The following PRKN variants were observed in gnomAD, a reference collection of about 807,000 sequenced individuals.
The protein encoded by PRKN is parkin RBR E3 ubiquitin protein ligase.
Under a neutral mutation model 59.5 loss-of-function variants are expected in PRKN, and 56 were observed. That is an observed-to-expected ratio of 0.94 (90% CI 0.76 to 1.18). PRKN has a LOEUF of 1.18. Ranked by LOEUF, PRKN falls within the 50% of genes most tolerant of loss-of-function variation. The pLI is 0.00. For synonymous variants in PRKN, 250 were observed against 222.1 expected (o/e 1.13, Z -1.12); for missense variants, 657 against 596.4 (o/e 1.10, Z -1.06).
intron 1 of PRKN, among the ~76,000 whole-genome samples, chr6:162,516,778 G>GA (rs1777881351): frequency 7.0e-6 from 1 of 142,434 alleles, no homozygotes; most frequent in South Asian, 2.3e-4. Context: ...AAAAAAAAAA[G>GA]AAAGAAAAGA....
At chr6:162,384,431 A>G (rs1388590665) in intron 2 of PRKN, among the ~76,000 whole-genome samples, 3 of 152,164 alleles carry the variant, frequency 2.0e-5, no homozygotes, top group African/African-American at 4.8e-5. Flanking sequence ...GAAGACACAC[A>G]TTAAGTTTGC....
chr6:162,301,778 CGG>C lies in PRKN; in HGVS notation c.172-39015_172-39014del, dbSNP rs71544928. ...GTTAAACTTCAGCAAATAAATTGGC[CGG>C]GGCGGGGGGGGGGTGCAGAATTCAC... On this transcript the variant is annotated intron_variant, in intron 2 of 11. Transcript: ENST00000366898. Among the ~76,000 whole-genome samples, 14 of 62,912 alleles carry C rather than the reference CGG, an allele frequency of 2.2e-4. No homozygotes were observed. The East Asian group carries it at 3.8e-3, about 17-fold the overall frequency. 41.3% of individuals were successfully genotyped at this position (62,912 alleles called of 152,430 possible).
chr6:162,151,536 T>C (rs1469067265), intron 4 of PRKN, among the ~76,000 whole-genome samples: 3 of 152,202 alleles, frequency 2.0e-5, no homozygotes, highest in Non-Finnish European at 4.4e-5. Flanking sequence ...AAATCTCTCA[T>C]GAGGAAACTG....
chr6:161,805,722 C>A (rs1791290670), intron 6 of PRKN, among the ~76,000 whole-genome samples: 1 of 152,162 alleles, frequency 6.6e-6, no homozygotes, highest in Admixed American at 6.5e-5. Flanking sequence ...GGAGAATTAT[C>A]ATTTGATGTG....
chr6:162,712,873 A>AC (rs1328961712), intron 1 of PRKN, among the ~76,000 whole-genome samples: 2 of 152,218 alleles, frequency 1.3e-5, no homozygotes, highest in Admixed American at 1.3e-4. Flanking sequence ...TCCAGGCCTA[A>AC]CAAACTTATG....
In PRKN at chr6:161,417,802, G is replaced by C. The variant is rs921736883; in HGVS notation, c.1084-30925C>G. 1.3e-5 allele frequency among the ~76,000 whole-genome samples: 2 copies of C among 152,204 alleles called. No homozygotes were observed. The highest frequency in any genetic ancestry group is 4.8e-5 in the African/African-American group (2 of 41,446). On this transcript the variant is annotated intron_variant, in intron 9 of 11. Coordinates refer to ENST00000366898, the MANE Select transcript of PRKN (RefSeq NM_004562.3). The surrounding 1 kb of genome is among the most constrained non-coding windows in gnomAD (Gnocchi z 5.4). ...AAATTAGATGAAAATACCAGCTTTT[G>C]TAAATCAACAGTGTCTAATAATCCC...
chr6:161,702,554 G>A (rs1786297673), intron 7 of PRKN, among the ~76,000 whole-genome samples: 1 of 152,034 alleles, frequency 6.6e-6, no homozygotes, highest in African/African-American at 2.4e-5. Context: ...GGGGAGGAGA[G>A]GGGAATTGGT....
At chr6:162,608,342 CAA>C (rs1268771109) in intron 1 of PRKN, among the ~76,000 whole-genome samples, 1 of 152,082 alleles carries the variant, frequency 6.6e-6, no homozygotes, top group Non-Finnish European at 1.5e-5. Context: ...AATATACCGA[CAA>C]AGTCAGGACG....
chr6:162,399,777 GAAC>G (rs911811001), intron 2 of PRKN, among the ~76,000 whole-genome samples: 2 of 148,528 alleles, frequency 1.3e-5, no homozygotes, highest in East Asian at 2.0e-4. Flanking sequence ...GAAACTTAAG[GAAC>G]AACTGAAAAA....
intron 5 of PRKN, among the ~76,000 whole-genome samples, chr6:162,020,752 AT>A (rs1307865568): frequency 6.6e-6 from 1 of 152,136 alleles, no homozygotes; most frequent in Non-Finnish European, 1.5e-5. Context: ...ATATTTCTAC[AT>A]TTTAAAATTT....
chr6:161,855,624 T>C (rs1793619643), intron 6 of PRKN, among the ~76,000 whole-genome samples: 1 of 152,142 alleles, frequency 6.6e-6, no homozygotes. Context: ...TGCTATAGGG[T>C]AAGCTCAAAT....
intron 3 of PRKN, among the ~76,000 whole-genome samples, chr6:162,228,107 G>A (rs1778261873): frequency 6.6e-6 from 1 of 152,122 alleles, no homozygotes; most frequent in Non-Finnish European, 1.5e-5. Flanking sequence ...TCAAGGACCT[G>A]GGCATAAAGC....
Position 162,718,830 on chromosome 6 carries a change from A to C in PRKN, c.7+8832T>G, listed in dbSNP as rs574352425. 1.6e-4 allele frequency among the ~76,000 whole-genome samples: 25 copies of C among 152,356 alleles called. No individual in the cohort carries two copies. In the South Asian group the frequency reaches 5.2e-3, roughly 32 times the overall value. Reference sequence around the variant, plus strand: ...AAAACAAGCACAGAGACTTGGTATAAAACTCAAGACACTGAGAATAAGATT... The same window carrying C: ...AAAACAAGCACAGAGACTTGGTATACAACTCAAGACACTGAGAATAAGATT... On this transcript the variant is annotated intron_variant, in intron 1 of 11. Transcript: ENST00000366898.
rs1786263520 is a variant in PRKN, at chr6:161,386,668, G to GGGAATGGTA, written c.1167+125_1167+126insTACCATTCC. Reference sequence around the variant, plus strand: ...GGAGAAGCCACGGCCCCATTCCCATGGCTGTCAGCTACCAGTCTGCTTCTT... The same window carrying GGGAATGGTA: ...GGAGAAGCCACGGCCCCATTCCCATGGGAATGGTAGCTGTCAGCTACCAGTCTGCTTCTT... On this transcript the variant is annotated intron_variant, in intron 10 of 11. Transcript: ENST00000366898. This position sits in a 1 kb window ranked among gnomAD's most constrained non-coding sequence, Gnocchi z 4.3. The GGGAATGGTA allele has an allele frequency of 3.0e-5, 24 of 798,094 alleles. No individual in the cohort carries two copies. The East Asian group carries it at 6.0e-4, about 20-fold the overall frequency. The allele number at this position is 798,094 out of a possible 1,614,324, so 49.4% of individuals were successfully genotyped here.
At chr6:161,905,662 T>A (rs1778114053) in intron 6 of PRKN, among the ~76,000 whole-genome samples, 1 of 152,062 alleles carries the variant, frequency 6.6e-6, no homozygotes, top group Admixed American at 6.6e-5. Flanking sequence ...ATATATATTT[T>A]TTTAAAGTAC....
intron 9 of PRKN, among the ~76,000 whole-genome samples, chr6:161,494,004 C>G (rs1175625013): frequency 2.6e-5 from 4 of 152,146 alleles, no homozygotes; most frequent in Non-Finnish European, 4.4e-5. Context: ...GGTCCACCCA[C>G]TAAACTAAAC....
At chr6:162,136,553 GTTAAT>G (rs941854539) in intron 4 of PRKN, among the ~76,000 whole-genome samples, 14 of 152,180 alleles carry the variant, frequency 9.2e-5, no homozygotes, top group Non-Finnish European at 2.1e-4. Context: ...TTTGGAGTAA[GTTAAT>G]TTAATTTCCT....
intron 5 of PRKN, among the ~76,000 whole-genome samples, chr6:162,042,660 T>A (rs1784109674): frequency 6.6e-6 from 1 of 152,118 alleles, no homozygotes; most frequent in Non-Finnish European, 1.5e-5. Flanking sequence ...ATATCCACAT[T>A]TAAATGCAGG....
intron 1 of PRKN, among the ~76,000 whole-genome samples, chr6:162,444,227 GCT>G (rs2128168098): frequency 6.6e-6 from 1 of 151,900 alleles, no homozygotes; most frequent in Non-Finnish European, 1.5e-5. Flanking sequence ...TTGAAGTCAC[GCT>G]CTCATCACAT....
Sources: gnomAD v4.1 joint callset for allele counts (sites outside exome capture counted in the v4.1 genomes callset) on GRCh38, gnomAD v4.1.1 for gene constraint, Gnocchi (gnomAD v3.1) non-coding constraint, MANE v1.5 for transcripts, NCBI Gene and HGNC (gene_info 2026-07-23, HGNC 2026-07-21) for gene names.